Variants in USP32 observed in about 807,000 individuals in gnomAD.
USP32 encodes the protein ubiquitin specific peptidase 32.
A neutral mutation model predicts 204.8 loss-of-function variants in USP32; 59 were observed. That is an observed-to-expected ratio of 0.29 (90% CI 0.23 to 0.36). The LOEUF is 0.36. Among genes scored for constraint, USP32 ranks in the 10% least tolerant of loss-of-function variants. The pLI is 1.00. For missense variants in USP32, 1,160 were observed against 1,946.4 expected (o/e 0.60, Z 7.60); for synonymous variants, 517 against 678.4 (o/e 0.76, Z 3.70).
At chr17:60,198,183 T>C in intron 27 of USP32, 77 bp downstream of exon 27, 1 of 1,541,568 alleles carries the variant, frequency 6.5e-7, no homozygotes, top group South Asian at 1.3e-5. Context: ...CTGGGTCCTA[T>C]CAGTCATGTA....
intron 5 of USP32, among the ~76,000 whole-genome samples, chr17:60,280,260 C>A (rs1280961456): frequency 6.6e-6 from 1 of 152,104 alleles, no homozygotes; most frequent in East Asian, 1.9e-4. Context: ...CCACACCCAG[C>A]TAACTTTTGT....
intron 29 of USP32, among the ~76,000 whole-genome samples, chr17:60,187,523 A>G (rs2084280293): frequency 6.6e-6 from 1 of 152,206 alleles, no homozygotes; most frequent in Non-Finnish European, 1.5e-5. Flanking sequence ...TGTATCATAT[A>G]CGGTAGTGTT....
At chr17:60,221,678 G>A (rs1026284143) in intron 15 of USP32, among the ~76,000 whole-genome samples, 3 of 151,812 alleles carry the variant, frequency 2.0e-5, no homozygotes, top group East Asian at 3.9e-4. Context: ...GATAATTTTT[G>A]TATTTTTATT....
At chr17:60,191,400 T>TAAA (rs1158204624) in intron 28 of USP32, among the ~76,000 whole-genome samples, 4 of 58,410 alleles carry the variant, frequency 6.8e-5, no homozygotes, top group African/African-American at 2.1e-4. Flanking sequence ...AGACTCTGTT[T>TAAA]AAAAAAAAAA....
intron 9 of USP32, among the ~76,000 whole-genome samples, chr17:60,259,923 G>A (rs118122258): frequency 9.2e-5 from 14 of 152,292 alleles, no homozygotes; most frequent in Non-Finnish European, 1.6e-4. Context: ...TTTGTGACTA[G>A]AAATATGCTG....
Position 60,222,582 on chromosome 17 carries a change from C to T in USP32, c.1609-33G>A, listed in dbSNP as rs367704723. On this transcript the variant is annotated intron_variant, in intron 14 of 33. Coordinates refer to ENST00000300896, the MANE Select transcript of USP32 (RefSeq NM_032582.4). ...AGAATAGAATGACAATGTTGACTTT[C>T]AATATTACAAAAGTTTTTGGGTCTC... The T allele has an allele frequency of 1.3e-5, 20 of 1,573,954 alleles. No individual in the cohort carries two copies. In the Admixed American group the frequency reaches 1.7e-4, roughly 13 times the overall value.
chr17:60,284,710 A>C (rs1210533302), intron 5 of USP32, among the ~76,000 whole-genome samples: 1 of 151,534 alleles, frequency 6.6e-6, no homozygotes, highest in Non-Finnish European at 1.5e-5. Context: ...TCTGCTTTCA[A>C]AGTAATTTTT....
At chr17:60,402,485 T>C (rs2089943937) in intron 1 of USP32, among the ~76,000 whole-genome samples, 1 of 152,132 alleles carries the variant, frequency 6.6e-6, no homozygotes, top group Admixed American at 6.6e-5. Context: ...TTGGTTCAAG[T>C]GATCCTACCT....
At chr17:60,210,336 G>A (rs1172677706) in intron 21 of USP32, among the ~76,000 whole-genome samples, 1 of 150,962 alleles carries the variant, frequency 6.6e-6, no homozygotes, top group African/African-American at 2.4e-5. Flanking sequence ...TTTGGAGACA[G>A]AGTCTTACTC....
At position 60,311,014 on chromosome 17, in the gene USP32, G is replaced by A. The variant is rs80212228; in HGVS notation, c.187-9310C>T. On this transcript the variant is annotated intron_variant, in intron 2 of 33. Coordinates refer to ENST00000300896, the MANE Select transcript of USP32 (RefSeq NM_032582.4). ...GATAGGAAGAGTAGTGGGGAGGAGG[G>A]GGGAATACAGATAAGTTGATTAATG... 1.3e-3 allele frequency among the ~76,000 whole-genome samples: 201 copies of A among 152,276 alleles called. 1 individual carries two copies. Among genetic ancestry groups the A allele is most frequent in the African/African-American group, 4.5e-3 (188 of 41,560 alleles).
At chr17:60,390,326 C>T (rs553789576) in intron 1 of USP32, among the ~76,000 whole-genome samples, 1 of 152,318 alleles carries the variant, frequency 6.6e-6, no homozygotes, top group South Asian at 2.1e-4. Flanking sequence ...AACCTTGAAG[C>T]TGTAAATCAG....
chr17:60,198,462 A>G lies in USP32; in HGVS notation c.3250-18T>C. ...GTCCTCATCTGTATGTACAAACAAGAGAATAGAGAGTTCAGAAGACAGGCC... is the reference window on the plus strand; with the variant it reads ...GTCCTCATCTGTATGTACAAACAAGGGAATAGAGAGTTCAGAAGACAGGCC... On this transcript the variant is annotated intron_variant, in intron 26 of 33. Coordinates refer to ENST00000300896, the MANE Select transcript of USP32 (RefSeq NM_032582.4). 1 of 1,611,100 alleles carries G rather than the reference A, an allele frequency of 6.2e-7. No individual in the cohort carries two copies. Among genetic ancestry groups the G allele is most frequent in the Non-Finnish European group, 8.5e-7 (1 of 1,179,284 alleles).
At chr17:60,354,741 T>C (rs2089029172) in intron 1 of USP32, among the ~76,000 whole-genome samples, 1 of 152,156 alleles carries the variant, frequency 6.6e-6, no homozygotes, top group East Asian at 1.9e-4. Context: ...CATGAACAAA[T>C]GAATCCAAAA....
intron 29 of USP32, chr17:60,185,904 A>G: frequency 5.6e-6 from 2 of 356,206 alleles, no homozygotes; most frequent in Middle Eastern, 8.1e-4. Context: ...TCTGTAAAAG[A>G]AAAATCTAAA....
intron 2 of USP32, among the ~76,000 whole-genome samples, chr17:60,338,105 C>T (rs2088567150): frequency 6.6e-6 from 1 of 152,076 alleles, no homozygotes. Context: ...AGGCAGATAG[C>T]TTGAGCCCAA....
intron 1 of USP32, among the ~76,000 whole-genome samples, chr17:60,400,653 TTAACTC>T (rs769365394): frequency 1.5e-4 from 23 of 152,284 alleles, no homozygotes; most frequent in Non-Finnish European, 3.1e-4. Context: ...AGTTAGATAT[TTAACTC>T]TGAAGTTAGA....
intron 1 of USP32, among the ~76,000 whole-genome samples, chr17:60,366,455 G>A (rs1013045904): frequency 6.6e-6 from 1 of 151,860 alleles, no homozygotes; most frequent in Non-Finnish European, 1.5e-5. Context: ...CAGTAGAGAC[G>A]GGGTTTCTCC....
At chr17:60,412,692 T>C (rs1428150485) in intron 1 of USP32, among the ~76,000 whole-genome samples, 1 of 152,072 alleles carries the variant, frequency 6.6e-6, no homozygotes, top group Non-Finnish European at 1.5e-5. Flanking sequence ...ACAAATACGG[T>C]GCCCTGGAAG....
At chr17:60,391,657 G>A (rs1598312505) in intron 1 of USP32, among the ~76,000 whole-genome samples, 1 of 152,154 alleles carries the variant, frequency 6.6e-6, no homozygotes, top group East Asian at 1.9e-4. Flanking sequence ...TGCCAGCGCC[G>A]ATCCCCCTCT....
Sources: allele counts gnomAD v4.1 joint callset (sites outside exome capture counted in the v4.1 genomes callset), GRCh38; gene constraint gnomAD v4.1.1; transcripts MANE v1.5; gene names NCBI Gene and HGNC (gene_info 2026-07-23, HGNC 2026-07-21).